Variants in SMAD2 observed in about 807,000 individuals in gnomAD.
The protein encoded by SMAD2 is MAD homolog 2.
In SMAD2, 8 loss-of-function variants were observed where a neutral mutation model predicts 64.4. The ratio of observed to expected loss-of-function variants is 0.12; its 90% CI spans 0.07 to 0.22. The LOEUF (loss-of-function observed/expected upper bound fraction) is 0.22, where lower values mean the gene tolerates loss of function less well. Ranked by LOEUF, SMAD2 falls within the 10% of genes least tolerant of loss-of-function variation. SMAD2 has a pLI of 1.00. For missense variants in SMAD2, 289 were observed against 561.2 expected, an observed-to-expected ratio of 0.51 and a Z score of 4.90; for synonymous variants, 203 against 195.8, an observed-to-expected ratio of 1.04 and a Z score of -0.31.
intron 2 of SMAD2, among the ~76,000 whole-genome samples, chr18:47,893,788 G>A (rs1325025446): frequency 1.3e-5 from 2 of 152,072 alleles, no homozygotes; most frequent in Admixed American, 6.5e-5. Context: ...GCTACAGTGT[G>A]TAAAAAGTTA....
chr18:47,907,171 G>C (rs2033938191), intron 1 of SMAD2, among the ~76,000 whole-genome samples: 1 of 152,120 alleles, frequency 6.6e-6, no homozygotes, highest in African/African-American at 2.4e-5. Context: ...GATCTACCCT[G>C]TATCACACAT....
chr18:47,847,221 CTTAATAAGATTATCCA>C (rs1408018118), intron 8 of SMAD2, among the ~76,000 whole-genome samples: 1 of 152,094 alleles, frequency 6.6e-6, no homozygotes, highest in Admixed American at 6.6e-5. Context: ...CACTGGGTAT[CTTAATAAGATTATCCA>C]AATTTATACA....
intron 1 of SMAD2, among the ~76,000 whole-genome samples, chr18:47,923,108 T>C (rs1349555637): frequency 6.6e-6 from 1 of 151,214 alleles, no homozygotes; most frequent in Non-Finnish European, 1.5e-5. Flanking sequence ...ATGAGTTTTG[T>C]GGAATCCACA....
intron 2 of SMAD2, among the ~76,000 whole-genome samples, chr18:47,871,762 T>A (rs1159519953): frequency 6.6e-6 from 1 of 152,342 alleles, no homozygotes; most frequent in African/African-American, 2.4e-5. Flanking sequence ...TCCAAAGATA[T>A]ACTGATTTAA....
chr18:47,920,080 A>C (rs2034502966), intron 1 of SMAD2: 1 of 152,258 alleles, frequency 6.6e-6, no homozygotes, highest in Non-Finnish European at 1.5e-5. Context: ...ACAGTTCCGG[A>C]GGCTGCAAGT....
At chr18:47,888,929 T>C (rs1031513856) in intron 2 of SMAD2, among the ~76,000 whole-genome samples, 7 of 151,720 alleles carry the variant, frequency 4.6e-5, no homozygotes, top group East Asian at 1.9e-4. Flanking sequence ...ATTAAGGAAA[T>C]AGACAAAATG....
intron 6 of SMAD2, 89 bp downstream of exon 6, chr18:47,864,970 A>C: frequency 1.2e-6 from 1 of 801,932 alleles, no homozygotes; most frequent in Non-Finnish European, 2.1e-6. Flanking sequence ...AACTTCTCTA[A>C]ATTTAAGAGT....
rs1912546150 is a variant in SMAD2, at chr18:47,820,876, T to G, written c.*20951A>C. ...ATATATTTGTATATACACGATAGTG[T>G]AAATGCTATACATGCACTATACACA... is the stretch of plus-strand genomic sequence containing the variant. On this transcript the variant is annotated 3_prime_UTR_variant, in exon 11 of 11. Transcript: ENST00000262160. The G allele has an allele frequency of 1.3e-5, 2 of 148,660 alleles. No homozygotes were observed. The highest frequency in any genetic ancestry group is 1.5e-5 in the Non-Finnish European group (1 of 67,602). The allele number at this position is 148,660 out of a possible 1,614,324, so 9.2% of individuals were successfully genotyped here. A position where few individuals can be genotyped will look rare whatever the true frequency, so the allele number is the denominator to read the frequency against.
chr18:47,894,314 G>A (rs974627741), intron 2 of SMAD2, among the ~76,000 whole-genome samples: 8 of 152,072 alleles, frequency 5.3e-5, no homozygotes, highest in Admixed American at 2.6e-4. Context: ...GAGTTTTCTC[G>A]CTGCAACCCA....
chr18:47,871,357 G>A (rs942787588), intron 2 of SMAD2, among the ~76,000 whole-genome samples: 20 of 152,260 alleles, frequency 1.3e-4, no homozygotes, highest in African/African-American at 3.1e-4. Context: ...ACTTCAATGC[G>A]GATAAAGGAG....
rs1401219821 is a variant in SMAD2, at chr18:47,818,920, G to C, written c.*22907C>G. 1 of 152,154 alleles carries C rather than the reference G, an allele frequency of 6.6e-6. No individual in the cohort carries two copies. The highest frequency in any genetic ancestry group is 1.5e-5 in the Non-Finnish European group (1 of 68,032). The allele number at this position is 152,154 out of a possible 1,614,324, so 9.4% of individuals were successfully genotyped here. A position where few individuals can be genotyped will look rare whatever the true frequency, so the allele number is the denominator to read the frequency against. ...ATAACTGTCTTTTATAAACCAGCAAGCCTGTATTACTATCGTATGACTAAA... is the reference window on the plus strand; with the variant it reads ...ATAACTGTCTTTTATAAACCAGCAACCCTGTATTACTATCGTATGACTAAA... On this transcript the variant is annotated 3_prime_UTR_variant, in exon 11 of 11. Transcript: ENST00000262160.
At chr18:47,921,968 A>C (rs1427859059) in intron 1 of SMAD2, among the ~76,000 whole-genome samples, 1 of 152,248 alleles carries the variant, frequency 6.6e-6, no homozygotes, top group Non-Finnish European at 1.5e-5. Context: ...CACTGAAGAA[A>C]GTATGATCAC....
rs189413781 is a variant in SMAD2 at position 47,820,154 on chromosome 18, T to C, written c.*21673A>G. 221 of 152,332 alleles carry C rather than the reference T, an allele frequency of 1.5e-3. 1 individual carries two copies. Among genetic ancestry groups the C allele is most frequent in the African/African-American group, 4.8e-3 (198 of 41,580 alleles). 9.4% of individuals were successfully genotyped at this position (152,332 alleles called of 1,614,324 possible). ...ATAAACTGCTGAAAATATTAGTTTG[T>C]TCTTGGCTTCCTAAATTATAGAAAG... On this transcript the variant is annotated 3_prime_UTR_variant, in exon 11 of 11. Transcript: ENST00000262160.
intron 2 of SMAD2, among the ~76,000 whole-genome samples, chr18:47,892,475 C>T (rs1386308371): frequency 6.6e-6 from 1 of 152,226 alleles, no homozygotes; most frequent in Non-Finnish European, 1.5e-5. Flanking sequence ...GCTAGGATTA[C>T]AGGCGTGAGC....
At chr18:47,848,072 C>A (rs755906924) in intron 8 of SMAD2, among the ~76,000 whole-genome samples, 1 of 151,336 alleles carries the variant, frequency 6.6e-6, no homozygotes, top group Non-Finnish European at 1.5e-5. Flanking sequence ...ATAAACTCAC[C>A]AAAGGGGGAA....
intron 9 of SMAD2, 28 bp from the exon 10 acceptor site, chr18:47,845,512 G>C (rs1196696110): frequency 6.2e-7 from 1 of 1,605,398 alleles, no homozygotes; most frequent in Non-Finnish European, 8.5e-7. Context: ...AAAAGAAATT[G>C]TCAAAAGAGT....
intron 6 of SMAD2, among the ~76,000 whole-genome samples, chr18:47,861,285 T>C (rs568512770): frequency 2.0e-5 from 3 of 152,072 alleles, no homozygotes; most frequent in Non-Finnish European, 2.9e-5. Flanking sequence ...GATCATGCCA[T>C]TGCACTCTAG....
chr18:47,924,886 T>C (rs567312349), intron 1 of SMAD2, among the ~76,000 whole-genome samples: 1 of 152,328 alleles, frequency 6.6e-6, no homozygotes, highest in East Asian at 1.9e-4. Context: ...CATATGAAAA[T>C]GTAGTTTACT....
At position 47,870,581 on chromosome 18, in the gene SMAD2, A is replaced by C; in HGVS notation, c.237-17T>G. ...GAGCAAGTGCTGTGCATAAATTGAA[A>C]AACAAAAAATTGATGTGAACATGGA... On this transcript the variant is annotated splice_polypyrimidine_tract_variant and intron_variant, in intron 2 of 10. Coordinates refer to ENST00000262160, the MANE Select transcript of SMAD2 (RefSeq NM_005901.6). 1 of 1,553,584 alleles carries C rather than the reference A, an allele frequency of 6.4e-7. No individual in the cohort carries two copies. Among genetic ancestry groups the C allele is most frequent in the Non-Finnish European group, 8.9e-7 (1 of 1,124,980 alleles).
Sources: gnomAD v4.1 joint callset for allele counts (sites outside exome capture counted in the v4.1 genomes callset) on GRCh38, gnomAD v4.1.1 for gene constraint, MANE v1.5 for transcripts, NCBI Gene and HGNC (gene_info 2026-07-23, HGNC 2026-07-21) for gene names.